TMEFF2: variants seen among roughly 807,000 people sequenced by gnomAD.
The protein encoded by TMEFF2 is tomoregulin-2.
Under a neutral mutation model 53.8 loss-of-function variants are expected in TMEFF2, and 28 were observed. That is an observed-to-expected ratio of 0.52 (90% CI 0.39 to 0.71). The LOEUF is 0.71. Ranked by LOEUF, TMEFF2 falls within the 30% of genes least tolerant of loss-of-function variation. The pLI, the probability that TMEFF2 is intolerant of heterozygous loss-of-function variation, is 0.00. For synonymous variants in TMEFF2, 162 were observed against 166.3 expected (o/e 0.97, Z 0.20); for missense variants, 353 against 455.2 (o/e 0.78, Z 2.04).
chr2:192,077,707 A>C (rs1688464085), intron 4 of TMEFF2, among the ~76,000 whole-genome samples: 1 of 151,990 alleles, frequency 6.6e-6, no homozygotes, highest in Non-Finnish European at 1.5e-5. Context: ...TGGATATTTA[A>C]ATTTATGTTT....
intron 4 of TMEFF2, among the ~76,000 whole-genome samples, chr2:192,081,774 G>A (rs1039743571): frequency 1.3e-5 from 2 of 150,752 alleles, no homozygotes; most frequent in Non-Finnish European, 2.9e-5. Context: ...TCATTGATGA[G>A]GTACCATAAT....
intron 4 of TMEFF2, among the ~76,000 whole-genome samples, chr2:192,069,986 GTGTATATATATATATATA>G (rs1405860834): frequency 2.6e-3 from 30 of 11,656 alleles, no homozygotes; most frequent in African/African-American, 3.9e-3. Context: ...GTGTGTGTGT[GTGTATATATATATATATA>G]TATATATATA....
In TMEFF2 at chr2:191,999,202, C is replaced by T; in HGVS notation, c.543G>A (p.Val181=). ...CDEDAEDVWC[V]CNIDCSQTNF... is the part of the protein sequence containing the mutation. ...TGGTTTGAGAACAGTCAATATTACA[C>T]ACACACCTAAAAAAAGAGAGAAATA... Residue 181 remains valine, a synonymous_variant, in exon 6 of 10, where the codon GTG becomes GTA. Transcript: ENST00000272771. The T allele has an allele frequency of 6.3e-7, 1 of 1,592,838 alleles. No individual in the cohort carries two copies. The highest frequency in any genetic ancestry group is 2.2e-5 in the East Asian group (1 of 44,548).
At chr2:191,972,308 CT>C (rs764218539) in intron 7 of TMEFF2, among the ~76,000 whole-genome samples, 1,198 of 72,782 alleles carry the variant, frequency 0.016, 12 homozygotes, top group African/African-American at 0.028. Context: ...TCATGCCCAG[CT>C]TTTTTTTTTT....
intron 4 of TMEFF2, among the ~76,000 whole-genome samples, chr2:192,141,256 C>A (rs1690130202): frequency 6.6e-6 from 1 of 151,810 alleles, no homozygotes; most frequent in African/African-American, 2.4e-5. Flanking sequence ...AGTTCGAGAC[C>A]AGCCTGGCCA....
chr2:192,141,191 G>A (rs1690128180), intron 4 of TMEFF2, among the ~76,000 whole-genome samples: 1 of 151,994 alleles, frequency 6.6e-6, no homozygotes, highest in South Asian at 2.1e-4. Flanking sequence ...GGTGGCTCAC[G>A]GCTATAATCC....
Position 192,002,012 on chromosome 2 carries a change from G to GCATT in TMEFF2, c.537-2805_537-2804insAATG, listed in dbSNP as rs1553512278. 9.3e-5 allele frequency among the ~76,000 whole-genome samples: 14 copies of GCATT among 149,934 alleles called. 1 individual carries two copies. The South Asian group carries it at 2.5e-3, about 27-fold the overall frequency. On this transcript the variant is annotated intron_variant, in intron 5 of 9. Coordinates refer to ENST00000272771, the MANE Select transcript of TMEFF2 (RefSeq NM_016192.4). The stretch of plus-strand genomic sequence containing the variant: ...TATTTTACAAGATTCTCCAATTGGT[G>GCATT]TATTTATTTATTTATTTATTTATTA...
chr2:191,994,379 T>C (rs1023258688), intron 7 of TMEFF2, among the ~76,000 whole-genome samples: 7 of 151,078 alleles, frequency 4.6e-5, no homozygotes, highest in African/African-American at 1.7e-4. Context: ...CTTCATTTTA[T>C]AAAATATCTA....
At chr2:192,096,536 T>C (rs1160348929) in intron 4 of TMEFF2, among the ~76,000 whole-genome samples, 1 of 152,116 alleles carries the variant, frequency 6.6e-6, no homozygotes, top group African/African-American at 2.4e-5. Flanking sequence ...TTTTAAAAAT[T>C]TAAAATTGAG....
intron 4 of TMEFF2, among the ~76,000 whole-genome samples, chr2:192,058,098 A>T (rs1013056634): frequency 7.9e-5 from 12 of 152,194 alleles, no homozygotes; most frequent in Non-Finnish European, 1.3e-4. Context: ...AGGGAGTTAA[A>T]TTTTCACCTC....
chr2:192,051,911 C>A (rs1382355905), intron 5 of TMEFF2, among the ~76,000 whole-genome samples: 1 of 152,208 alleles, frequency 6.6e-6, no homozygotes, highest in Non-Finnish European at 1.5e-5. Flanking sequence ...AACATTCATT[C>A]ATTCCTCTTT....
At chr2:192,157,905 T>C (rs1052818601) in intron 4 of TMEFF2, among the ~76,000 whole-genome samples, 3 of 152,064 alleles carry the variant, frequency 2.0e-5, no homozygotes, top group Non-Finnish European at 4.4e-5. Flanking sequence ...TGCCATGCTG[T>C]TCCGCACTTC....
chr2:191,999,227 A>T lies in TMEFF2; in HGVS notation c.537-19T>A. ...CACACACCTAAAAAAAGAGAGAAAT[A>T]AAAACATGTAACATCAATAGTGTTG... On this transcript the variant is annotated intron_variant, in intron 5 of 9. Transcript: ENST00000272771. The T allele has an allele frequency of 6.4e-7, 1 of 1,562,662 alleles. No individual in the cohort carries two copies. Among genetic ancestry groups the T allele is most frequent in the Non-Finnish European group, 8.7e-7 (1 of 1,145,632 alleles).
chr2:192,022,048 G>A (rs947297228), intron 5 of TMEFF2: 2 of 152,188 alleles, frequency 1.3e-5, no homozygotes, highest in African/African-American at 4.8e-5. Flanking sequence ...GGCCATAAGA[G>A]AATTGTCTGG....
intron 4 of TMEFF2, among the ~76,000 whole-genome samples, chr2:192,065,173 G>A (rs1688138189): frequency 6.6e-6 from 1 of 151,672 alleles, no homozygotes. Flanking sequence ...GTTAAGGTGT[G>A]TTTCTTCTAT....
chr2:192,165,563 T>C (rs1207500027), intron 4 of TMEFF2, among the ~76,000 whole-genome samples: 1 of 152,184 alleles, frequency 6.6e-6, no homozygotes, highest in Non-Finnish European at 1.5e-5. Flanking sequence ...ACATAAAATT[T>C]GTAAAACAAC....
chr2:191,996,342 A>C (rs1686221041), intron 7 of TMEFF2, among the ~76,000 whole-genome samples: 1 of 151,954 alleles, frequency 6.6e-6, no homozygotes, highest in South Asian at 2.1e-4. Context: ...TGGTTCACTA[A>C]AGAAGATATG....
At chr2:191,955,786 T>C (rs1414426441) in intron 8 of TMEFF2, among the ~76,000 whole-genome samples, 1 of 152,050 alleles carries the variant, frequency 6.6e-6, no homozygotes, top group Non-Finnish European at 1.5e-5. Flanking sequence ...AAATAGTGAA[T>C]GCCTGGCAAA....
chr2:191,992,968 A>G (rs1254806842), intron 7 of TMEFF2, among the ~76,000 whole-genome samples: 2 of 152,030 alleles, frequency 1.3e-5, no homozygotes, highest in Non-Finnish European at 2.9e-5. Flanking sequence ...CCTGGTCCTC[A>G]CACTTGCTGG....
Sources: allele counts gnomAD v4.1 joint callset (sites outside exome capture counted in the v4.1 genomes callset), GRCh38; gene constraint gnomAD v4.1.1; transcripts MANE v1.5; gene names NCBI Gene and HGNC (gene_info 2026-07-23, HGNC 2026-07-21).